The following LHFPL3 variants were observed in gnomAD, a reference collection of about 807,000 sequenced individuals.
The protein encoded by LHFPL3 is LHFPL tetraspan subfamily member 3 protein.
Under a neutral mutation model 19.3 loss-of-function variants are expected in LHFPL3, and 5 were observed. That is an observed-to-expected ratio of 0.26 (90% CI 0.14 to 0.54). The LOEUF (loss-of-function observed/expected upper bound fraction) is 0.54. LHFPL3 is among the 20% of genes least tolerant of loss of function. LHFPL3 has a pLI of 0.94. For synonymous variants in LHFPL3, 133 were observed against 126.2 expected (o/e 1.05, Z -0.36); for missense variants, 249 against 307.4 (o/e 0.81, Z 1.42).
At chr7:104,675,060 TAAAG>T (rs1239237343) in intron 1 of LHFPL3, among the ~76,000 whole-genome samples, 1 of 152,198 alleles carries the variant, frequency 6.6e-6, no homozygotes, top group Non-Finnish European at 1.5e-5. Context: ...AGCAAATTCT[TAAAG>T]TAAGTAAATG....
Position 104,685,455 on chromosome 7 carries a change from G to GAC in LHFPL3, c.446-51208_446-51207dup, listed in dbSNP as rs1015231177. Among the ~76,000 whole-genome samples the GAC allele has an allele frequency of 6.2e-4, 95 of 152,106 alleles. 1 individual carries two copies. Among genetic ancestry groups the GAC allele is most frequent in the African/African-American group, 2.2e-3 (90 of 41,512 alleles). ...GTGTGTGTAAACACACACACACACA[G>GAC]ACACACACACACATTCAGAGGCAAT... On this transcript the variant is annotated intron_variant, in intron 1 of 2. Coordinates refer to ENST00000424859, the MANE Select transcript of LHFPL3 (RefSeq NM_199000.3).
chr7:104,495,938 T>TG (rs35106295), intron 1 of LHFPL3, among the ~76,000 whole-genome samples: 16,137 of 152,286 alleles, frequency 0.11, 909 homozygotes, highest in East Asian at 0.12. Context: ...GCTAATTGTC[T>TG]GAGATCACAC....
intron 1 of LHFPL3, among the ~76,000 whole-genome samples, chr7:104,395,032 G>A (rs181207220): frequency 1.1e-3 from 169 of 152,000 alleles, no homozygotes; most frequent in South Asian, 6.0e-3. Context: ...CCAAGCTACC[G>A]TATGCTGTAA....
chr7:104,601,372 G>C (rs1454521389), intron 1 of LHFPL3, among the ~76,000 whole-genome samples: 1 of 152,074 alleles, frequency 6.6e-6, no homozygotes, highest in Non-Finnish European at 1.5e-5. Flanking sequence ...AATGTGTTGA[G>C]TACCTCCATG....
intron 1 of LHFPL3, among the ~76,000 whole-genome samples, chr7:104,635,414 C>T (rs1354898227): frequency 6.6e-6 from 1 of 151,956 alleles, no homozygotes; most frequent in Non-Finnish European, 1.5e-5. Flanking sequence ...AATGAGAGGA[C>T]TGGAAAAGCT....
chr7:104,476,706 C>A (rs1431480526), intron 1 of LHFPL3, among the ~76,000 whole-genome samples: 1 of 152,064 alleles, frequency 6.6e-6, no homozygotes, highest in Non-Finnish European at 1.5e-5. Context: ...GTGATCTGCC[C>A]ACCTCAGCCT....
intron 1 of LHFPL3, among the ~76,000 whole-genome samples, chr7:104,560,164 G>A (rs1308664299): frequency 2.2e-5 from 3 of 139,424 alleles, no homozygotes; most frequent in Admixed American, 7.0e-5. Flanking sequence ...GTCTCTGCCC[G>A]GCTTTGGTAT....
At chr7:104,678,502 AT>A (rs1392139011) in intron 1 of LHFPL3, among the ~76,000 whole-genome samples, 1 of 151,798 alleles carries the variant, frequency 6.6e-6, no homozygotes, top group Non-Finnish European at 1.5e-5. Context: ...TTTAAAAGCT[AT>A]TTTTTTTCCT....
At chr7:104,732,214 G>A (rs188047066) in intron 1 of LHFPL3, among the ~76,000 whole-genome samples, 4 of 152,214 alleles carry the variant, frequency 2.6e-5, no homozygotes, top group Admixed American at 1.3e-4. Context: ...GCCAGGCTTT[G>A]GTATCAGGAT....
rs986075718 is a variant in LHFPL3 at position 104,522,304 on chromosome 7, G to A, written c.445+193080G>A. On this transcript the variant is annotated intron_variant, in intron 1 of 2. Transcript: ENST00000424859. ...TCACAAGAACAAAAAACCAAACACC[G>A]CATATTCTCACTCATAGGTGGGAAT... Among the ~76,000 whole-genome samples, 309 of 147,778 alleles carry A rather than the reference G, an allele frequency of 2.1e-3. 3 individuals are homozygous for A. The highest frequency in any genetic ancestry group is 9.7e-3 in the East Asian group (48 of 4,946).
chr7:104,877,860 G>C (rs980423411), intron 2 of LHFPL3, among the ~76,000 whole-genome samples: 3 of 150,380 alleles, frequency 2.0e-5, no homozygotes, highest in Non-Finnish European at 4.4e-5. Flanking sequence ...TTGAGACAGA[G>C]TCTTTCTCTG....
At chr7:104,739,846 G>A (rs1344534467) in intron 2 of LHFPL3, among the ~76,000 whole-genome samples, 1 of 152,178 alleles carries the variant, frequency 6.6e-6, no homozygotes, top group Non-Finnish European at 1.5e-5. Flanking sequence ...TTCTGATAGA[G>A]ATTACACATC....
At chr7:104,396,605 C>A (rs1419456674) in intron 1 of LHFPL3, among the ~76,000 whole-genome samples, 1 of 149,860 alleles carries the variant, frequency 6.7e-6, no homozygotes, top group Non-Finnish European at 1.5e-5. Context: ...TCATTAGATT[C>A]TCCTGCATTT....
intron 1 of LHFPL3, among the ~76,000 whole-genome samples, chr7:104,431,332 T>C (rs1046379833): frequency 6.6e-6 from 1 of 152,198 alleles, no homozygotes; most frequent in East Asian, 1.9e-4. Context: ...TTTTATAAAA[T>C]TCTTAATATA....
At chr7:104,823,439 G>A (rs996500513) in intron 2 of LHFPL3, among the ~76,000 whole-genome samples, 2 of 152,142 alleles carry the variant, frequency 1.3e-5, no homozygotes, top group African/African-American at 4.8e-5. Flanking sequence ...AGCCCTTCTG[G>A]TTAATTGCCT....
At chr7:104,798,025 T>TG (rs71519187) in intron 2 of LHFPL3, among the ~76,000 whole-genome samples, 19,383 of 150,790 alleles carry the variant, frequency 0.13, 1,345 homozygotes, top group Non-Finnish European at 0.16. Context: ...GGGGTGGCAG[T>TG]GGGGGGGGCG....
intron 1 of LHFPL3, among the ~76,000 whole-genome samples, chr7:104,641,566 T>C (rs1430363741): frequency 6.6e-6 from 1 of 152,226 alleles, no homozygotes; most frequent in Non-Finnish European, 1.5e-5. Context: ...TATTTGAGTA[T>C]ACACTTCCCT....
chr7:104,583,983 A>G (rs1452382675), intron 1 of LHFPL3, among the ~76,000 whole-genome samples: 1 of 152,196 alleles, frequency 6.6e-6, no homozygotes, highest in Non-Finnish European at 1.5e-5. Flanking sequence ...ATTATAAATC[A>G]TGCTGCTATA....
At chr7:104,423,227 T>G (rs1480237811) in intron 1 of LHFPL3, among the ~76,000 whole-genome samples, 1 of 152,170 alleles carries the variant, frequency 6.6e-6, no homozygotes, top group African/African-American at 2.4e-5. Context: ...GCTTGGAGGC[T>G]GTGATGGACA....
Sources: allele counts gnomAD v4.1 joint callset (sites outside exome capture counted in the v4.1 genomes callset), GRCh38; gene constraint gnomAD v4.1.1; transcripts MANE v1.5; gene names NCBI Gene and HGNC (gene_info 2026-07-23, HGNC 2026-07-21).